HNRNPUL2: variants seen among roughly 807,000 people sequenced by gnomAD.
The protein encoded by HNRNPUL2 is heterogeneous nuclear ribonucleoprotein U-like protein 2.
A neutral mutation model predicts 102.2 loss-of-function variants in HNRNPUL2; 27 were observed. That is an observed-to-expected ratio of 0.26 (90% CI 0.19 to 0.36). HNRNPUL2 has a LOEUF of 0.36. Among genes scored for constraint, HNRNPUL2 ranks in the 10% least tolerant of loss-of-function variants. The probability of loss-of-function intolerance (pLI) is 1.00; values close to 1 mark genes in which losing one functional copy is unlikely to be tolerated. For synonymous variants in HNRNPUL2, 458 were observed against 387.2 expected (o/e 1.18, Z -2.15); for missense variants, 936 against 981.1 (o/e 0.95, Z 0.61).
chr11:62,717,277 C>A, intron 10 of HNRNPUL2, 88 bp from the exon 11 acceptor site: 1 of 933,170 alleles, frequency 1.1e-6, no homozygotes, highest in Non-Finnish European at 1.6e-6. Flanking sequence ...AAGCATATGA[C>A]TTTCTATGCC....
chr11:62,715,236 CGGGGG>C lies in HNRNPUL2; in HGVS notation c.*58_*62del. On this transcript the variant is annotated 3_prime_UTR_variant, in exon 14 of 14. Transcript: ENST00000301785. The stretch of plus-strand genomic sequence containing the variant: ...CCCTGTTTTCCTTGGTTGTGTTTTG[CGGGGG>C]TGCCTGGCACCCCCAGAGATTCAGC... The C allele has an allele frequency of 1.8e-6, 2 of 1,099,870 alleles. No individual in the cohort carries two copies. The highest frequency in any genetic ancestry group is 2.5e-6 in the Non-Finnish European group (2 of 797,520). 68.1% of individuals were successfully genotyped at this position (1,099,870 alleles called of 1,614,324 possible).
chr11:62,719,779 G>T (rs2083686519), intron 10 of HNRNPUL2, among the ~76,000 whole-genome samples: 1 of 152,142 alleles, frequency 6.6e-6, no homozygotes, highest in Non-Finnish European at 1.5e-5. Flanking sequence ...CCATCCTCAT[G>T]AATAGATTAA....
Position 62,727,244 on chromosome 11 carries a change from C to CGCA in HNRNPUL2, c.-89_-88insTGC. The CGCA allele has an allele frequency of 7.7e-7, 1 of 1,300,652 alleles. No homozygotes were observed. Among genetic ancestry groups the CGCA allele is most frequent in the Non-Finnish European group, 9.7e-7 (1 of 1,028,120 alleles). The allele number at this position is 1,300,652 out of a possible 1,614,324, so 80.6% of individuals were successfully genotyped here. A position where few individuals can be genotyped will look rare whatever the true frequency, so the allele number is the denominator to read the frequency against. ...ACCGCGCAGGCGCCGCCGCCGCCGC[C>CGCA]CGCCTCCGCCTCACGCGCCAGCACT... On this transcript the variant is annotated 5_prime_UTR_variant, in exon 1 of 14. Transcript: ENST00000301785.
At position 62,727,057 on chromosome 11, in the gene HNRNPUL2, G is replaced by A; in HGVS notation, c.100C>T (p.Gln34Ter). Reference sequence around the variant, plus strand: ...AGCATCTCGGCGTCCAGCGCCTCCTGCAGCCGCTGCGCCAGATCCACCTTG... The same window carrying A: ...AGCATCTCGGCGTCCAGCGCCTCCTACAGCCGCTGCGCCAGATCCACCTTG... ...GLKVDLAQRL[Q>*]EALDAEMLED... The change falls in exon 1 of 14, where the codon CAG becomes TAG. Residue 34 changes from glutamine (Q) to a stop codon, truncating the protein, a stop_gained. Transcript: ENST00000301785. LOFTEE classifies it high-confidence loss of function. 2 of 1,423,816 alleles carry A rather than the reference G, an allele frequency of 1.4e-6. No individual in the cohort carries two copies. The highest frequency in any genetic ancestry group is 1.8e-6 in the Non-Finnish European group (2 of 1,087,864). 88.2% of individuals were successfully genotyped at this position (1,423,816 alleles called of 1,614,324 possible).
intron 3 of HNRNPUL2, 91 bp downstream of exon 3, chr11:62,723,823 C>G: frequency 1.3e-6 from 2 of 1,598,320 alleles, no homozygotes; most frequent in Non-Finnish European, 1.7e-6. Flanking sequence ...GATACAAAGT[C>G]TCATAGAATT....
chr11:62,720,318 G>A, intron 9 of HNRNPUL2, 127 bp from the exon 10 acceptor site: 2 of 792,390 alleles, frequency 2.5e-6, no homozygotes, highest in Non-Finnish European at 4.1e-6. Flanking sequence ...GGCCGAGGTG[G>A]GCAGATCATC....
rs190069615 is a variant in HNRNPUL2, at chr11:62,719,183, C to T, written c.1780+840G>A. ...GAGCCAAGGCGGCTAGGCACAGCGGCGTATGCCTATAATCTAAGCACTTTA... is the reference window on the plus strand; with the variant it reads ...GAGCCAAGGCGGCTAGGCACAGCGGTGTATGCCTATAATCTAAGCACTTTA... On this transcript the variant is annotated intron_variant, in intron 10 of 13. Coordinates refer to ENST00000301785, the MANE Select transcript of HNRNPUL2 (RefSeq NM_001079559.3). Among the ~76,000 whole-genome samples the T allele has an allele frequency of 3.7e-3, 562 of 152,278 alleles. 3 individuals are homozygous for T. The highest frequency in any genetic ancestry group is 5.5e-3 in the Non-Finnish European group (376 of 68,022).
At chr11:62,716,035 G>A (rs1036597284) in intron 11 of HNRNPUL2, 98 bp from the exon 12 acceptor site, 12 of 884,952 alleles carry the variant, frequency 1.4e-5, no homozygotes, top group African/African-American at 3.4e-5. Flanking sequence ...GGCAATTCTG[G>A]GGGAATATGA....
In HNRNPUL2 at chr11:62,727,414, G is replaced by T; in HGVS notation, c.-258C>A. 1 of 362,228 alleles carries T rather than the reference G, an allele frequency of 2.8e-6. No individual in the cohort carries two copies. The highest frequency in any genetic ancestry group is 8.3e-4 in the Middle Eastern group (1 of 1,212). 22.4% of individuals were successfully genotyped at this position (362,228 alleles called of 1,614,324 possible). The stretch of plus-strand genomic sequence containing the variant: ...CAGCAGGGAGCTGTTTCCCCTCCAG[G>T]CCCTTGGTTCCCCAGCCGCGGGCAG... On this transcript the variant is annotated 5_prime_UTR_variant, in exon 1 of 14. Transcript: ENST00000301785.
rs201735517 is a variant in HNRNPUL2 at position 62,715,870 on chromosome 11, G to C, written c.2049C>G (p.Asn683Lys). ...YGQQYWGQPG[N>K]RGGYRNFYDR... The stretch of plus-strand genomic sequence containing the variant: ...GAAGGAGAGCTGCACTCACCCCTCT[G>C]TTTCCAGGCTGCCCCCAGTACTGCT... Residue 683 changes from asparagine (N) to lysine (K), a missense_variant, in exon 12 of 14, where the codon AAC (asparagine) becomes AAG (lysine). Transcript: ENST00000301785. 436 of 1,613,764 alleles carry C rather than the reference G, an allele frequency of 2.7e-4. No individual in the cohort carries two copies. Among genetic ancestry groups the C allele is most frequent in the Admixed American group, 8.3e-5 (5 of 59,992 alleles).
At chr11:62,717,401 GC>G (rs1565159959) in intron 10 of HNRNPUL2, among the ~76,000 whole-genome samples, 1 of 152,272 alleles carries the variant, frequency 6.6e-6, no homozygotes, top group South Asian at 2.1e-4. Flanking sequence ...CAGGCAAAGG[GC>G]TATGTAGATT....
rs564024486 is a variant in HNRNPUL2 at position 62,723,917 on chromosome 11, T to C, written c.748A>G (p.Thr250Ala). 1 of 1,613,864 alleles carries C rather than the reference T, an allele frequency of 6.2e-7. No individual in the cohort carries two copies. Among genetic ancestry groups the C allele is most frequent in the South Asian group, 1.1e-5 (1 of 91,086 alleles). ...AGTCTGTCTGCCTTATACATACACG[T>C]GTCCAGGTTCACAAGAGTTTGATCC... ...EEDQTLVNLDTYTSDLHFQVS... is the reference protein window; with the variant it reads ...EEDQTLVNLDAYTSDLHFQVS... The change falls in exon 3 of 14, where the codon ACG (threonine) becomes GCG (alanine). Residue 250 changes from threonine to alanine, a missense_variant. This residue lies in a region of HNRNPUL2 where 609 missense variants were observed against 713.0 expected (regional missense o/e 0.85). Coordinates refer to ENST00000301785, the MANE Select transcript of HNRNPUL2 (RefSeq NM_001079559.3).
At chr11:62,716,615 C>T (rs1298705544) in intron 11 of HNRNPUL2, among the ~76,000 whole-genome samples, 1 of 152,116 alleles carries the variant, frequency 6.6e-6, no homozygotes, top group Non-Finnish European at 1.5e-5. Flanking sequence ...AGCAAGAAAA[C>T]TGAAGATGAG....
At chr11:62,722,450 T>C in intron 6 of HNRNPUL2, 70 bp from the exon 7 acceptor site, 1 of 1,550,500 alleles carries the variant, frequency 6.4e-7, no homozygotes, top group Admixed American at 1.8e-5. Flanking sequence ...TTACAATTTA[T>C]TCTTTTTTCA....
chr11:62,716,874 A>G, intron 11 of HNRNPUL2, 115 bp downstream of exon 11: 1 of 937,564 alleles, frequency 1.1e-6, no homozygotes, highest in South Asian at 1.6e-5. Context: ...TGAAGAAGGC[A>G]CTTCCGTATT....
chr11:62,724,051 T>G (rs1189015790), intron 2 of HNRNPUL2, 61 bp from the exon 3 acceptor site: 4 of 1,370,170 alleles, frequency 2.9e-6, no homozygotes, highest in Non-Finnish European at 4.2e-6. Context: ...TTGAGGGGTG[T>G]GTGTGTATGA....
rs770849283 is a variant in HNRNPUL2, at chr11:62,721,402, C to G, written c.1504G>C (p.Glu502Gln). 11 of 1,602,640 alleles carry G rather than the reference C, an allele frequency of 6.9e-6. No homozygotes were observed. In the South Asian group the frequency reaches 1.0e-4, roughly 15 times the overall value. ...QMRMKGLEEPEMDPKSRDLLV... is the reference protein window; with the variant it reads ...QMRMKGLEEPQMDPKSRDLLV... ...AGGTCTCGGCTTTTGGGGTCCATCT[C>G]TGGCTCCTCGAGACCCTTCATCTGA... Residue 502 changes from glutamate to glutamine, a missense_variant, in exon 9 of 14, where the codon GAG becomes CAG. Coordinates refer to ENST00000301785, the MANE Select transcript of HNRNPUL2 (RefSeq NM_001079559.3).
intron 8 of HNRNPUL2, 63 bp from the exon 9 acceptor site, chr11:62,721,486 C>T: frequency 6.9e-7 from 1 of 1,449,700 alleles, no homozygotes; most frequent in South Asian, 1.3e-5. Context: ...CAAGTTAAAG[C>T]CCAAGAGTTA....
intron 10 of HNRNPUL2, among the ~76,000 whole-genome samples, chr11:62,719,093 T>C (rs1293620144): frequency 2.0e-5 from 3 of 152,170 alleles, no homozygotes; most frequent in African/African-American, 7.2e-5. Flanking sequence ...CCCAAAGTGC[T>C]GGGATTACAG....
Sources: gnomAD v4.1 joint callset for allele counts (sites outside exome capture counted in the v4.1 genomes callset) on GRCh38, gnomAD v4.1.1 for gene constraint, gnomAD v4.1.1 regional missense constraint, MANE v1.5 for transcripts, NCBI Gene and HGNC (gene_info 2026-07-23, HGNC 2026-07-21) for gene names.